Variants in SAMD12 observed in about 807,000 individuals in gnomAD.
The protein encoded by SAMD12 is sterile alpha motif domain containing 12.
A neutral mutation model predicts 15.0 loss-of-function variants in SAMD12; 9 were observed. That is an observed-to-expected ratio of 0.60 (90% CI 0.36 to 1.05). SAMD12 has a LOEUF of 1.05. Ranked by LOEUF, SAMD12 falls within the 50% of genes least tolerant of loss-of-function variation. The pLI, the probability that SAMD12 is intolerant of heterozygous loss-of-function variation, is 0.01. For synonymous variants in SAMD12, 86 were observed against 90.1 expected, an observed-to-expected ratio of 0.96 and a Z score of 0.25; for missense variants, 230 against 234.2, an observed-to-expected ratio of 0.98 and a Z score of 0.12.
At chr8:118,436,601 T>C (rs1482837313) in intron 3 of SAMD12, among the ~76,000 whole-genome samples, 1 of 152,044 alleles carries the variant, frequency 6.6e-6, no homozygotes, top group African/African-American at 2.4e-5. Context: ...TTAAGAAAAA[T>C]AAAAGAACAG....
intron 4 of SAMD12, among the ~76,000 whole-genome samples, chr8:118,344,388 T>C (rs1337670031): frequency 6.6e-6 from 1 of 152,246 alleles, no homozygotes; most frequent in Non-Finnish European, 1.5e-5. Flanking sequence ...GATTAGTATA[T>C]GCTTAGCCCA....
At chr8:118,544,190 A>G (rs1335190498) in intron 2 of SAMD12, among the ~76,000 whole-genome samples, 2 of 152,192 alleles carry the variant, frequency 1.3e-5, no homozygotes, top group Non-Finnish European at 1.5e-5. Flanking sequence ...TTTGTGTTCT[A>G]AGTATGTGGT....
At chr8:118,302,709 T>TG (rs35842358) in intron 4 of SAMD12, among the ~76,000 whole-genome samples, 231 of 152,288 alleles carry the variant, frequency 1.5e-3, no homozygotes, top group African/African-American at 5.4e-3. Context: ...TATTTAATTT[T>TG]GGGGGGAGGA....
intron 2 of SAMD12, among the ~76,000 whole-genome samples, chr8:118,502,294 C>T (rs1326199394): frequency 6.6e-6 from 1 of 152,058 alleles, no homozygotes; most frequent in African/African-American, 2.4e-5. Flanking sequence ...ATTATTAAAA[C>T]CAATCAATTC....
In SAMD12 at chr8:118,582,679, G is replaced by A. The variant is rs560100088; in HGVS notation, c.14-1786C>T. 2.0e-5 allele frequency among the ~76,000 whole-genome samples: 3 copies of A among 152,222 alleles called. No homozygotes were observed. The South Asian group carries it at 6.2e-4, about 32-fold the overall frequency. On this transcript the variant is annotated intron_variant, in intron 1 of 3. Transcript: ENST00000314727. ...TCATTTCACAGATAAGGAAAATGAG[G>A]CTCAAATGGGTTAGGTTCACAAAAG...
intron 2 of SAMD12, among the ~76,000 whole-genome samples, chr8:118,577,489 G>A (rs1827182681): frequency 6.6e-6 from 1 of 152,118 alleles, no homozygotes; most frequent in South Asian, 2.1e-4. Flanking sequence ...AAGCTCCTCT[G>A]GAACAGGTGG....
chr8:118,602,158 C>A (rs1271447798), intron 1 of SAMD12, among the ~76,000 whole-genome samples: 1 of 152,150 alleles, frequency 6.6e-6, no homozygotes, highest in East Asian at 1.9e-4. Context: ...ATGCTTGCCC[C>A]AAGAAGTTCC....
At chr8:118,438,338 T>A (rs1822633425) in intron 3 of SAMD12, among the ~76,000 whole-genome samples, 1 of 152,174 alleles carries the variant, frequency 6.6e-6, no homozygotes, top group South Asian at 2.1e-4. Flanking sequence ...TATTTAGACA[T>A]ATCAATGTGG....
At chr8:118,439,982 T>A (rs868474461) in intron 2 of SAMD12, 21 bp from the exon 3 acceptor site, 2 of 1,612,842 alleles carry the variant, frequency 1.2e-6, no homozygotes, top group Non-Finnish European at 1.7e-6. Context: ...AGAAGGAAGA[T>A]CTGTCAATGC....
chr8:118,602,835 T>G (rs1418821806), intron 1 of SAMD12, among the ~76,000 whole-genome samples: 1 of 152,042 alleles, frequency 6.6e-6, no homozygotes, highest in Non-Finnish European at 1.5e-5. Flanking sequence ...GGCAAATATT[T>G]GAAGAAAACA....
intron 2 of SAMD12, among the ~76,000 whole-genome samples, chr8:118,556,950 C>A (rs867073007): frequency 2.0e-5 from 3 of 149,850 alleles, no homozygotes; most frequent in African/African-American, 4.9e-5. Context: ...GGCGACAGTG[C>A]GAGACTCCAT....
intron 4 of SAMD12, among the ~76,000 whole-genome samples, chr8:118,358,939 G>A (rs899474054): frequency 2.0e-5 from 3 of 151,942 alleles, no homozygotes; most frequent in Non-Finnish European, 4.4e-5. Flanking sequence ...TATAAAACAA[G>A]TCTTTAAAGA....
At chr8:118,553,373 C>T (rs1449258142) in intron 2 of SAMD12, among the ~76,000 whole-genome samples, 15 of 151,744 alleles carry the variant, frequency 9.9e-5, no homozygotes, top group South Asian at 6.2e-4. Flanking sequence ...TCAGAAATAA[C>T]GCCGCATATC....
At chr8:118,151,123 T>G in the SAMD12 span, among the ~76,000 whole-genome samples, 2 of 152,190 alleles carry the variant, frequency 1.3e-5, no homozygotes, top group African/African-American at 4.8e-5. Context: ...TAGCTCACAT[T>G]ATTTCTAATG....
At chr8:118,210,653 T>C (rs2129815559) in intron 4 of SAMD12, among the ~76,000 whole-genome samples, 1 of 152,240 alleles carries the variant, frequency 6.6e-6, no homozygotes, top group East Asian at 1.9e-4. Context: ...AACCTCAACT[T>C]CTCCTTCCAT....
chr8:118,584,920 TATACAC>T (rs1181192886), intron 1 of SAMD12, among the ~76,000 whole-genome samples: 1 of 29,316 alleles, frequency 3.4e-5, no homozygotes, highest in African/African-American at 7.5e-5. Flanking sequence ...AACTTGTAGG[TATACAC>T]ACACACACAC....
chr8:118,342,128 A>C (rs1563777589), intron 4 of SAMD12, among the ~76,000 whole-genome samples: 1 of 152,108 alleles, frequency 6.6e-6, no homozygotes, highest in Non-Finnish European at 1.5e-5. Flanking sequence ...CGTCTCTACT[A>C]AAAATACAAA....
chr8:118,500,677 G>A (rs181683461), intron 2 of SAMD12, among the ~76,000 whole-genome samples: 2 of 152,008 alleles, frequency 1.3e-5, no homozygotes, highest in African/African-American at 4.8e-5. Flanking sequence ...GTGGTGGCAG[G>A]TGCCTGTAGT....
chr8:118,415,869 G>A (rs1456463662), intron 3 of SAMD12, among the ~76,000 whole-genome samples: 1 of 152,212 alleles, frequency 6.6e-6, no homozygotes, highest in Non-Finnish European at 1.5e-5. Context: ...GTGCTAAACT[G>A]AAGAGAGGGT....
Sources: gnomAD v4.1 joint callset for allele counts (sites outside exome capture counted in the v4.1 genomes callset) on GRCh38, gnomAD v4.1.1 for gene constraint, MANE v1.5 for transcripts, NCBI Gene and HGNC (gene_info 2026-07-23, HGNC 2026-07-21) for gene names.